LDB2: variants seen among roughly 807,000 people sequenced by gnomAD.
The protein encoded by LDB2 is LIM domain binding 2, also known as LIM domain-binding protein 2.
Under a neutral mutation model 44.3 loss-of-function variants are expected in LDB2, and 12 were observed. That is an observed-to-expected ratio of 0.27 (90% CI 0.17 to 0.44). The LOEUF (loss-of-function observed/expected upper bound fraction) is 0.44. Ranked by LOEUF, LDB2 falls within the 20% of genes least tolerant of loss-of-function variation. The probability of loss-of-function intolerance (pLI) is 1.00; values close to 1 mark genes in which losing one functional copy is unlikely to be tolerated. For missense variants in LDB2, 344 were observed against 473.5 expected (o/e 0.73, Z 2.54); for synonymous variants, 164 against 174.8 (o/e 0.94, Z 0.49).
chr4:16,570,921 T>C (rs1022708278), intron 5 of LDB2, among the ~76,000 whole-genome samples: 1 of 152,206 alleles, frequency 6.6e-6, no homozygotes, highest in Non-Finnish European at 1.5e-5. Context: ...CCCTGTTTTA[T>C]TGGTGAGGAA....
intron 2 of LDB2, among the ~76,000 whole-genome samples, chr4:16,741,863 TTAAAGTC>T (rs969339045): frequency 2.0e-5 from 3 of 152,136 alleles, no homozygotes; most frequent in African/African-American, 7.2e-5. Flanking sequence ...CTGCAAGAAT[TTAAAGTC>T]TAAATTATCT....
At chr4:16,585,339 G>A (rs1050873312) in intron 5 of LDB2, among the ~76,000 whole-genome samples, 1 of 152,158 alleles carries the variant, frequency 6.6e-6, no homozygotes, top group Non-Finnish European at 1.5e-5. Flanking sequence ...ATGGGCGGGT[G>A]GGGAGCACAG....
chr4:16,884,647 C>T (rs1387775863), intron 1 of LDB2, among the ~76,000 whole-genome samples: 1 of 152,222 alleles, frequency 6.6e-6, no homozygotes, highest in Non-Finnish European at 1.5e-5. Flanking sequence ...TAAATCCTTA[C>T]TGTGTCCTCA....
intron 2 of LDB2, among the ~76,000 whole-genome samples, chr4:16,613,918 T>A (rs1381347114): frequency 6.6e-6 from 1 of 152,180 alleles, no homozygotes; most frequent in East Asian, 1.9e-4. Context: ...AAAAAAACTA[T>A]TTTAAATTTC....
chr4:16,753,008 C>A (rs912390398), intron 2 of LDB2, among the ~76,000 whole-genome samples: 1 of 152,170 alleles, frequency 6.6e-6, no homozygotes. Flanking sequence ...GCCAGAGGAA[C>A]CTGTGCCTTT....
chr4:16,592,717 G>C (rs1719570919), intron 3 of LDB2, among the ~76,000 whole-genome samples: 1 of 151,888 alleles, frequency 6.6e-6, no homozygotes, highest in African/African-American at 2.4e-5. Flanking sequence ...AAAATTCATA[G>C]TAAACAATTG....
At chr4:16,798,912 G>A (rs1184828290) in intron 1 of LDB2, among the ~76,000 whole-genome samples, 3 of 152,088 alleles carry the variant, frequency 2.0e-5, no homozygotes, top group African/African-American at 7.2e-5. Flanking sequence ...GTGCAGTGGC[G>A]CGATCTTGGC....
chr4:16,507,025 A>C (rs1719737341), intron 7 of LDB2: 1 of 152,096 alleles, frequency 6.6e-6, no homozygotes, highest in African/African-American at 2.4e-5. Context: ...CATTTTCTCT[A>C]TTCAAAATTT....
chr4:16,551,467 TGTAA>T (rs755926038), intron 5 of LDB2, among the ~76,000 whole-genome samples: 74 of 152,300 alleles, frequency 4.9e-4, no homozygotes, highest in South Asian at 1.0e-3. Context: ...AAAAGTCCTC[TGTAA>T]GTATTTGTTC....
intron 1 of LDB2, among the ~76,000 whole-genome samples, chr4:16,777,475 G>A (rs1054010095): frequency 6.6e-6 from 1 of 152,160 alleles, no homozygotes; most frequent in Non-Finnish European, 1.5e-5. Context: ...GGCGGTGGGA[G>A]GCTGAAGATG....
At chr4:16,591,646 C>T (rs56403844) in intron 3 of LDB2, among the ~76,000 whole-genome samples, 8,636 of 152,194 alleles carry the variant, frequency 0.057, 377 homozygotes, top group East Asian at 0.19. Flanking sequence ...ACCCTGTACC[C>T]AGCATAGAAA....
intron 1 of LDB2, among the ~76,000 whole-genome samples, chr4:16,763,862 G>T (rs16893953): frequency 1.3e-5 from 2 of 151,642 alleles, no homozygotes; most frequent in African/African-American, 4.8e-5. Flanking sequence ...ATTTCTTTGC[G>T]TCTGTTTGCT....
At chr4:16,668,710 A>G (rs1402990525) in intron 2 of LDB2, among the ~76,000 whole-genome samples, 2 of 152,240 alleles carry the variant, frequency 1.3e-5, no homozygotes, top group Non-Finnish European at 2.9e-5. Context: ...AGCATAAATC[A>G]AAACAACCTC....
chr4:16,636,731 C>T (rs1323940030), intron 2 of LDB2, among the ~76,000 whole-genome samples: 2 of 152,036 alleles, frequency 1.3e-5, no homozygotes, highest in East Asian at 3.9e-4. Flanking sequence ...AAACCTAAAC[C>T]AATTCAAGAG....
intron 2 of LDB2, among the ~76,000 whole-genome samples, chr4:16,700,112 A>G (rs1753121072): frequency 1.3e-5 from 2 of 152,176 alleles, no homozygotes; most frequent in Non-Finnish European, 2.9e-5. Context: ...GAATGCTCCA[A>G]TGAACATTTC....
intron 1 of LDB2, among the ~76,000 whole-genome samples, chr4:16,834,961 A>G (rs1784663836): frequency 6.6e-6 from 1 of 152,224 alleles, no homozygotes; most frequent in African/African-American, 2.4e-5. Context: ...TATTATTCCT[A>G]CATTCCAGAT....
intron 2 of LDB2, among the ~76,000 whole-genome samples, chr4:16,615,457 G>T (rs762775696): frequency 1.3e-5 from 2 of 152,202 alleles, no homozygotes; most frequent in Non-Finnish European, 2.9e-5. Context: ...CCTTTGCAGG[G>T]ACATGGATGA....
chr4:16,731,752 C>T (rs1364792796), intron 2 of LDB2, among the ~76,000 whole-genome samples: 1 of 152,134 alleles, frequency 6.6e-6, no homozygotes, highest in African/African-American at 2.4e-5. Flanking sequence ...GTCATAGAGA[C>T]CTCCTCAGCC....
At chr4:16,577,444 A>G (rs1712154603) in intron 5 of LDB2, among the ~76,000 whole-genome samples, 1 of 152,192 alleles carries the variant, frequency 6.6e-6, no homozygotes, top group Non-Finnish European at 1.5e-5. Context: ...AACAAACTGA[A>G]AAGGAAACCA....
Sources: gnomAD v4.1 joint callset for allele counts (sites outside exome capture counted in the v4.1 genomes callset) on GRCh38, gnomAD v4.1.1 for gene constraint, MANE v1.5 for transcripts, NCBI Gene and HGNC (gene_info 2026-07-23, HGNC 2026-07-21) for gene names.